TNFRSF9: variants seen among roughly 807,000 people sequenced by gnomAD.
TNFRSF9 encodes TNF receptor superfamily member 9.
A neutral mutation model predicts 28.8 loss-of-function variants in TNFRSF9; 16 were observed. That is an observed-to-expected ratio of 0.55 (90% confidence interval 0.38 to 0.84). The LOEUF is 0.84. TNFRSF9 is among the 40% of genes least tolerant of loss of function. The pLI is 0.00. For missense variants in TNFRSF9, 303 were observed against 315.0 expected, an observed-to-expected ratio of 0.96 and a Z score of 0.29; for synonymous variants, 131 against 117.0, an observed-to-expected ratio of 1.12 and a Z score of -0.77.
intron 7 of TNFRSF9, among the ~76,000 whole-genome samples, chr1:7,925,220 A>C (rs1639630459): frequency 6.6e-6 from 1 of 152,008 alleles, no homozygotes; most frequent in Admixed American, 6.6e-5. Context: ...AGGCAGGAGA[A>C]TCACTTGAAC....
intron 7 of TNFRSF9, among the ~76,000 whole-genome samples, chr1:7,930,027 T>C (rs1289030631): frequency 7.4e-6 from 1 of 134,384 alleles, no homozygotes. Flanking sequence ...TGGAGTGCAA[T>C]GGCACGATCT....
chr1:7,922,906 T>C lies in TNFRSF9; in HGVS notation c.680-1983A>G, dbSNP rs1043453738. ...GCAAGACTACAAACTTCTTTTTTTT[T>C]TCTTTTTTTTTTTTGAGATGGAGTC... On this transcript the variant is annotated intron_variant, in intron 7 of 7. Coordinates refer to ENST00000377507, the MANE Select transcript of TNFRSF9 (RefSeq NM_001561.6). 3.4e-5 allele frequency among the ~76,000 whole-genome samples: 5 copies of C among 146,854 alleles called. 1 individual carries two copies. The highest frequency in any genetic ancestry group is 1.3e-4 in the African/African-American group (5 of 39,790).
At chr1:7,932,616 G>C (rs1639747453) in intron 7 of TNFRSF9, among the ~76,000 whole-genome samples, 1 of 151,656 alleles carries the variant, frequency 6.6e-6, no homozygotes, top group African/African-American at 2.4e-5. Flanking sequence ...GGACATAGAG[G>C]GAACATGGTT....
In TNFRSF9 at chr1:7,939,929, T is replaced by C. The variant is rs1167155216; in HGVS notation, c.66A>G (p.Arg22=). Residue 22 remains arginine, a synonymous_variant, in exon 2 of 8, where the codon AGA becomes AGG. Coordinates refer to ENST00000377507, the MANE Select transcript of TNFRSF9 (RefSeq NM_001561.6). ...LLLVLNFERT[R]SLQDPCSNCP... The stretch of plus-strand genomic sequence containing the variant: ...AGTTACTACAAGGATCCTGCAATGA[T>C]CTTGTCCTCTCAAAGTTGAGGACCA... 1.2e-6 allele frequency: 2 copies of C among 1,606,588 alleles called. No individual in the cohort carries two copies. The highest frequency in any genetic ancestry group is 2.2e-5 in the East Asian group (1 of 44,618).
intron 7 of TNFRSF9, among the ~76,000 whole-genome samples, chr1:7,932,734 T>TACACACACAC (rs3841802): frequency 6.7e-6 from 1 of 148,226 alleles, no homozygotes; most frequent in Non-Finnish European, 1.5e-5. Context: ...CACACACACA[T>TACACACACAC]ACACACACAC....
chr1:7,940,138 G>A (rs750441250), intron 1 of TNFRSF9, 60 bp from the exon 2 acceptor site: 5 of 552,742 alleles, frequency 9.0e-6, no homozygotes, highest in Non-Finnish European at 1.6e-5. Context: ...TATCTATATT[G>A]CAATCATTAC....
At chr1:7,932,183 AT>A (rs1639741432) in intron 7 of TNFRSF9, among the ~76,000 whole-genome samples, 1 of 152,144 alleles carries the variant, frequency 6.6e-6, no homozygotes, top group Non-Finnish European at 1.5e-5. Flanking sequence ...CTGCATATAT[AT>A]TTTTAACAAT....
intron 7 of TNFRSF9, among the ~76,000 whole-genome samples, chr1:7,930,914 T>G (rs1639723971): frequency 6.6e-6 from 1 of 152,190 alleles, no homozygotes; most frequent in Admixed American, 6.5e-5. Context: ...GACTAAAAAC[T>G]TCCTATACGT....
rs1376831715 is a variant in TNFRSF9 at position 7,918,001 on chromosome 1, T to G, written c.*2834A>C. 2 of 149,804 alleles carry G rather than the reference T, an allele frequency of 1.3e-5. No homozygotes were observed. The highest frequency in any genetic ancestry group is 5.1e-5 in the African/African-American group (2 of 39,428). 9.3% of individuals were successfully genotyped at this position (149,804 alleles called of 1,614,324 possible). A position where few individuals can be genotyped will look rare whatever the true frequency, so the allele number is the denominator to read the frequency against. ...AGATATAGATAGATAGATAGATAGA[T>G]AGGCAGAATTTCACTCTTGTCACCC... On this transcript the variant is annotated 3_prime_UTR_variant, in exon 8 of 8. Coordinates refer to ENST00000377507, the MANE Select transcript of TNFRSF9 (RefSeq NM_001561.6).
At chr1:7,940,538 A>C (rs1639886378) in intron 1 of TNFRSF9, among the ~76,000 whole-genome samples, 1 of 152,044 alleles carries the variant, frequency 6.6e-6, no homozygotes, top group African/African-American at 2.4e-5. Context: ...ATGTGGAAAG[A>C]CCTCCCTGTT....
intron 7 of TNFRSF9, among the ~76,000 whole-genome samples, chr1:7,928,035 A>T (rs183552809): frequency 6.6e-6 from 1 of 152,356 alleles, no homozygotes; most frequent in East Asian, 1.9e-4. Flanking sequence ...ACTGAAGAAG[A>T]TATAAAGATG....
At chr1:7,933,545 T>C (rs1639767889) in intron 6 of TNFRSF9, among the ~76,000 whole-genome samples, 1 of 152,142 alleles carries the variant, frequency 6.6e-6, no homozygotes, top group African/African-American at 2.4e-5. Flanking sequence ...AAGACCAGCC[T>C]GGCCAACATA....
At chr1:7,922,596 G>C (rs1443085999) in intron 7 of TNFRSF9, among the ~76,000 whole-genome samples, 1 of 152,156 alleles carries the variant, frequency 6.6e-6, no homozygotes, top group African/African-American at 2.4e-5. Context: ...CAGATCATCT[G>C]AGGTCAGGAT....
At chr1:7,932,761 A>G (rs1639753135) in intron 7 of TNFRSF9, among the ~76,000 whole-genome samples, 1 of 151,920 alleles carries the variant, frequency 6.6e-6, no homozygotes, top group East Asian at 1.9e-4. Flanking sequence ...ATACACATAC[A>G]TGCAATAATC....
Position 7,938,308 on chromosome 1 carries a change from C to T in TNFRSF9, c.231G>A (p.Glu77=). The T allele has an allele frequency of 1.2e-6, 2 of 1,607,186 alleles. No individual in the cohort carries two copies. Among genetic ancestry groups the T allele is most frequent in the Non-Finnish European group, 1.7e-6 (2 of 1,177,066 alleles). The change falls in exon 4 of 8, where the codon GAG becomes GAA. Residue 77 remains glutamate (E), a synonymous_variant. Transcript: ENST00000377507. ...ACTCTGCATTGCTGGTGGAGGAACA[C>T]TCCTTCCTGGTCCTGAAAACACCTA... The part of the protein sequence containing the change: ...QCKGVFRTRK[E]CSSTSNAECD...
At chr1:7,925,755 G>A (rs895976661) in intron 7 of TNFRSF9, among the ~76,000 whole-genome samples, 2 of 152,056 alleles carry the variant, frequency 1.3e-5, no homozygotes, top group African/African-American at 2.4e-5. Context: ...CCTCGTATGC[G>A]CAGTTCACAA....
Position 7,937,886 on chromosome 1 carries a change from C to G in TNFRSF9, c.347-130G>C, listed in dbSNP as rs529385113. ...ACAAATTGTTCAATAATTCTTGAAA[C>G]AACACCCTAAGATGGCTAGTTTTTA... is the stretch of plus-strand genomic sequence containing the variant. On this transcript the variant is annotated intron_variant, in intron 4 of 7. Transcript: ENST00000377507. The G allele has an allele frequency of 1.7e-4, 135 of 801,574 alleles. 4 individuals are homozygous for G. The South Asian group carries it at 2.3e-3, about 14-fold the overall frequency. 49.7% of individuals were successfully genotyped at this position (801,574 alleles called of 1,614,324 possible).
At chr1:7,938,479 AT>A (rs1639854790) in intron 3 of TNFRSF9, 149 bp from the exon 4 acceptor site, 1 of 982,474 alleles carries the variant, frequency 1.0e-6, no homozygotes, top group Non-Finnish European at 1.4e-6. Flanking sequence ...CCATAAAGAC[AT>A]TTTTACATTT....
rs1553339509 is a variant in TNFRSF9, at chr1:7,920,322, T to TTTA, written c.*512_*513insTAA. The TTTA allele has an allele frequency of 4.0e-5, 6 of 148,182 alleles. No individual in the cohort carries two copies. The highest frequency in any genetic ancestry group is 7.5e-5 in the African/African-American group (3 of 39,850). 9.2% of individuals were successfully genotyped at this position (148,182 alleles called of 1,614,324 possible). On this transcript the variant is annotated 3_prime_UTR_variant, in exon 8 of 8. Transcript: ENST00000377507. ...GAAAATGCTTTTTTTTTTTTTTTTTTATCACCAGCTCTGTCCTCATCTGTC... is the reference window on the plus strand; with the variant it reads ...GAAAATGCTTTTTTTTTTTTTTTTTTTTAATCACCAGCTCTGTCCTCATCTGTC...
Sources: allele counts gnomAD v4.1 joint callset (sites outside exome capture counted in the v4.1 genomes callset), GRCh38; gene constraint gnomAD v4.1.1; transcripts MANE v1.5; gene names NCBI Gene and HGNC (gene_info 2026-07-23, HGNC 2026-07-21).